CAMTA1: variants seen among roughly 807,000 people sequenced by gnomAD.
The protein encoded by CAMTA1 is calmodulin-binding transcription activator 1.
Under a neutral mutation model 170.9 loss-of-function variants are expected in CAMTA1, and 27 were observed. The ratio of observed to expected loss-of-function variants is 0.16; its 90% CI spans 0.12 to 0.22. The LOEUF is 0.22. Ranked by LOEUF, CAMTA1 falls within the 10% of genes least tolerant of loss-of-function variation. The pLI, the probability that CAMTA1 is intolerant of heterozygous loss-of-function variation, is 1.00. For synonymous variants in CAMTA1, 833 were observed against 891.5 expected, an observed-to-expected ratio of 0.93 and a Z score of 1.17; for missense variants, 1,619 against 2,217.2, an observed-to-expected ratio of 0.73 and a Z score of 5.42.
chr1:6,947,624 C>G (rs777232601), intron 3 of CAMTA1, among the ~76,000 whole-genome samples: 2 of 151,550 alleles, frequency 1.3e-5, no homozygotes, highest in Non-Finnish European at 2.9e-5. Context: ...CTCAAGTGAT[C>G]CACCACCTCG....
intron 5 of CAMTA1, chr1:7,382,753 TA>T (rs763707309): frequency 1.3e-5 from 2 of 152,108 alleles, no homozygotes; most frequent in African/African-American, 2.4e-5. Flanking sequence ...AGGACAACAA[TA>T]TTTGACATAA....
intron 5 of CAMTA1, among the ~76,000 whole-genome samples, chr1:7,411,399 C>T (rs1336135364): frequency 2.0e-5 from 3 of 152,028 alleles, no homozygotes; most frequent in Admixed American, 6.6e-5. Flanking sequence ...ATTAGCCGGG[C>T]GTGGTGACAC....
At chr1:7,190,718 C>G (rs1654359821) in intron 4 of CAMTA1, among the ~76,000 whole-genome samples, 1 of 152,100 alleles carries the variant, frequency 6.6e-6, no homozygotes, top group African/African-American at 2.4e-5. Context: ...AAACACAAAT[C>G]CTCAATCATG....
At chr1:7,138,237 C>G (rs1257813519) in intron 4 of CAMTA1, among the ~76,000 whole-genome samples, 1 of 152,162 alleles carries the variant, frequency 6.6e-6, no homozygotes, top group Non-Finnish European at 1.5e-5. Context: ...AGCAATCCTC[C>G]CGCCTTGGCC....
chr1:7,238,931 C>A (rs542661565), intron 4 of CAMTA1, among the ~76,000 whole-genome samples: 7 of 152,216 alleles, frequency 4.6e-5, no homozygotes, highest in Non-Finnish European at 8.8e-5. Context: ...GCCGAGCATT[C>A]ACGTGGGGTG....
At chr1:7,357,892 G>C (rs2085246933) in intron 5 of CAMTA1, among the ~76,000 whole-genome samples, 1 of 152,172 alleles carries the variant, frequency 6.6e-6, no homozygotes, top group Non-Finnish European at 1.5e-5. Flanking sequence ...TCCCCACCTG[G>C]AATGAGATAG....
intron 3 of CAMTA1, among the ~76,000 whole-genome samples, chr1:6,926,418 C>A (rs1683114792): frequency 1.4e-5 from 2 of 141,200 alleles, no homozygotes; most frequent in South Asian, 4.6e-4. Flanking sequence ...TCTCTCTTTT[C>A]TTTTCTCTTT....
intron 5 of CAMTA1, among the ~76,000 whole-genome samples, chr1:7,310,678 TTCTCTCTCTCTCTC>T (rs70984069): frequency 1.2e-4 from 4 of 34,606 alleles, no homozygotes; most frequent in East Asian, 7.7e-4. Context: ...TTTCCTTTCT[TTCTCTCTCTCTCTC>T]TCTCTCTCTC....
At chr1:7,613,926 TG>T (rs1299499830) in intron 6 of CAMTA1, among the ~76,000 whole-genome samples, 1 of 47,440 alleles carries the variant, frequency 2.1e-5, no homozygotes, top group Non-Finnish European at 4.1e-5. Context: ...AGGAGAGAGA[TG>T]GTGGGGGGGC....
At chr1:7,724,818 CA>C (rs960235639) in intron 11 of CAMTA1, among the ~76,000 whole-genome samples, 2,488 of 85,298 alleles carry the variant, frequency 0.029, 52 homozygotes, top group African/African-American at 0.095. Flanking sequence ...GCGAGACTCT[CA>C]AAAAAAAAAA....
At position 7,533,156 on chromosome 1, in the gene CAMTA1, G is replaced by A. The variant is rs148560659; in HGVS notation, c.510+65255G>A. Among the ~76,000 whole-genome samples, 7 of 152,268 alleles carry A rather than the reference G, an allele frequency of 4.6e-5. No homozygotes were observed. The South Asian group carries it at 1.2e-3, about 27-fold the overall frequency. ...ATGTGCCCAGGAGTCTCCCTCCAGC[G>A]TCCCCAGTCAGTCGGGGGGCACCCC... is the stretch of plus-strand genomic sequence containing the variant. On this transcript the variant is annotated intron_variant, in intron 6 of 22. Transcript: ENST00000303635.
At chr1:7,385,194 A>C (rs1207328461) in intron 5 of CAMTA1, among the ~76,000 whole-genome samples, 3 of 150,530 alleles carry the variant, frequency 2.0e-5, no homozygotes, top group African/African-American at 7.3e-5. Flanking sequence ...GGTTCAAACT[A>C]TTCTCCTGCC....
At chr1:7,704,466 C>T (rs1414619593) in intron 11 of CAMTA1, among the ~76,000 whole-genome samples, 1 of 145,766 alleles carries the variant, frequency 6.9e-6, no homozygotes, top group African/African-American at 2.5e-5. Flanking sequence ...ACCGGGGGCC[C>T]GGCTCTCGCG....
At chr1:6,809,841 C>T (rs140882491) in intron 1 of CAMTA1, among the ~76,000 whole-genome samples, 4 of 152,140 alleles carry the variant, frequency 2.6e-5, no homozygotes, top group Non-Finnish European at 5.9e-5. Flanking sequence ...AGTCGTAATG[C>T]TGCAGAGTTG....
intron 6 of CAMTA1, among the ~76,000 whole-genome samples, chr1:7,583,667 G>A (rs7545664): frequency 0.06 from 9,168 of 152,184 alleles, 906 homozygotes; most frequent in African/African-American, 0.21. Flanking sequence ...CCTCTGGGGG[G>A]CAGTGACCAG....
intron 4 of CAMTA1, among the ~76,000 whole-genome samples, chr1:7,231,143 G>A (rs987764338): frequency 1.4e-4 from 21 of 152,142 alleles, no homozygotes; most frequent in African/African-American, 2.7e-4. Flanking sequence ...AGCAGCCCCC[G>A]GGGGATCTGC....
At chr1:7,629,212 C>G (rs2095652597) in intron 6 of CAMTA1, among the ~76,000 whole-genome samples, 1 of 152,242 alleles carries the variant, frequency 6.6e-6, no homozygotes, top group African/African-American at 2.4e-5. Flanking sequence ...GCATCCCTGA[C>G]AGGTCCCTGG....
At chr1:7,764,966 A>G (rs1405161951) in intron 22 of CAMTA1, among the ~76,000 whole-genome samples, 2 of 152,154 alleles carry the variant, frequency 1.3e-5, no homozygotes, top group Admixed American at 1.3e-4. Context: ...TCTCAAAAAA[A>G]AAAAAAAGTT....
intron 6 of CAMTA1, among the ~76,000 whole-genome samples, chr1:7,639,127 C>G (rs1041544658): frequency 6.6e-6 from 1 of 151,960 alleles, no homozygotes; most frequent in South Asian, 2.1e-4. Context: ...TACAGGCGCC[C>G]GCCACCATGC....
Sources: allele counts gnomAD v4.1 joint callset (sites outside exome capture counted in the v4.1 genomes callset), GRCh38; gene constraint gnomAD v4.1.1; transcripts MANE v1.5; gene names NCBI Gene and HGNC (gene_info 2026-07-23, HGNC 2026-07-21).